Variants in ZHX2 observed in about 807,000 individuals in gnomAD.
ZHX2 encodes zinc fingers and homeoboxes 2.
A neutral mutation model predicts 21.9 loss-of-function variants in ZHX2; 6 were observed. The ratio of observed to expected loss-of-function variants is 0.27; its 90% CI spans 0.15 to 0.54. The LOEUF is 0.54. Among genes scored for constraint, ZHX2 ranks in the 20% least tolerant of loss-of-function variants. ZHX2 has a pLI of 0.95. For missense variants in ZHX2, 908 were observed against 1,090.7 expected, an observed-to-expected ratio of 0.83 and a Z score of 2.36; for synonymous variants, 434 against 437.1, an observed-to-expected ratio of 0.99 and a Z score of 0.09.
At chr8:122,903,297 G>A (rs1480758096) in intron 2 of ZHX2, among the ~76,000 whole-genome samples, 2 of 152,076 alleles carry the variant, frequency 1.3e-5, no homozygotes, top group Non-Finnish European at 2.9e-5. Flanking sequence ...GACAGGCAGG[G>A]GCCTTTAGTT....
At chr8:122,919,617 T>C (rs893825075) in intron 2 of ZHX2, among the ~76,000 whole-genome samples, 1 of 152,220 alleles carries the variant, frequency 6.6e-6, no homozygotes, top group Non-Finnish European at 1.5e-5. Context: ...CTAGTCAAGC[T>C]GTATCTGCAA....
At chr8:122,904,277 A>G (rs1472106724) in intron 2 of ZHX2, among the ~76,000 whole-genome samples, 1 of 152,190 alleles carries the variant, frequency 6.6e-6, no homozygotes, top group Non-Finnish European at 1.5e-5. Context: ...CTGTAGCCAA[A>G]GGTCACAGAA....
chr8:122,892,652 T>C (rs1563771169), intron 2 of ZHX2, among the ~76,000 whole-genome samples: 2 of 152,194 alleles, frequency 1.3e-5, no homozygotes, highest in African/African-American at 4.8e-5. Flanking sequence ...CTTCTAGATA[T>C]AGGACTCCAT....
At chr8:122,958,239 A>C (rs1813357476) in intron 3 of ZHX2, among the ~76,000 whole-genome samples, 1 of 152,210 alleles carries the variant, frequency 6.6e-6, no homozygotes, top group Non-Finnish European at 1.5e-5. Flanking sequence ...CTCGGCCCTG[A>C]GGTTAGACAC....
At chr8:122,957,824 T>C (rs1163413446) in intron 3 of ZHX2, among the ~76,000 whole-genome samples, 1 of 152,072 alleles carries the variant, frequency 6.6e-6, no homozygotes, top group Non-Finnish European at 1.5e-5. Context: ...AGGGGTGGCA[T>C]TGAAAGTTCT....
chr8:122,910,182 T>C lies in ZHX2; in HGVS notation c.-219-41110T>C, dbSNP rs80210271. ...ACAAAAGACTAGAGGGACCTAGTAA[T>C]AATCATAATGACTTTCTTAGATTCA... On this transcript the variant is annotated intron_variant, in intron 2 of 3. Coordinates refer to ENST00000314393, the MANE Select transcript of ZHX2 (RefSeq NM_014943.5). Among the ~76,000 whole-genome samples the C allele has an allele frequency of 3.4e-3, 521 of 151,522 alleles. 7 individuals are homozygous for C. The highest frequency in any genetic ancestry group is 0.012 in the African/African-American group (505 of 41,258).
chr8:122,891,270 TTG>T (rs59893492), intron 2 of ZHX2, among the ~76,000 whole-genome samples: 6,901 of 76,808 alleles, frequency 0.09, 156 homozygotes, highest in East Asian at 0.2. Flanking sequence ...TCTTGGTAGA[TTG>T]TGTGTGTGTG....
At chr8:122,800,440 T>C (rs984104026) in intron 1 of ZHX2, among the ~76,000 whole-genome samples, 2 of 152,210 alleles carry the variant, frequency 1.3e-5, no homozygotes, top group Non-Finnish European at 2.9e-5. Context: ...CTGCAAAGAC[T>C]GGAAGGGAGT....
chr8:122,872,891 C>T (rs966229880), intron 2 of ZHX2, among the ~76,000 whole-genome samples: 2 of 152,168 alleles, frequency 1.3e-5, no homozygotes, highest in African/African-American at 4.8e-5. Flanking sequence ...CAGGTTTCCC[C>T]CACCGACAGC....
intron 2 of ZHX2, among the ~76,000 whole-genome samples, chr8:122,906,666 C>CTTT (rs771349214): frequency 6.6e-4 from 81 of 123,412 alleles, no homozygotes; most frequent in East Asian, 1.4e-3. Context: ...ACATAATTTC[C>CTTT]TTTTTTTTTT....
chr8:122,873,644 C>T (rs185421048), intron 2 of ZHX2, among the ~76,000 whole-genome samples: 78 of 152,304 alleles, frequency 5.1e-4, no homozygotes, highest in South Asian at 8.3e-4. Context: ...GATCTAATGG[C>T]TGCTATAACA....
chr8:122,971,611 C>CAAAAAAAAAAAAAAA (rs56331425), intron 3 of ZHX2, among the ~76,000 whole-genome samples: 13 of 81,794 alleles, frequency 1.6e-4, no homozygotes, highest in African/African-American at 4.7e-4. Context: ...GGCCCCTGTA[C>CAAAAAAAAAAAAAAA]AAAAAAAAAA....
Position 122,951,666 on chromosome 8 carries a change from A to G in ZHX2, c.156A>G (p.Glu52=), listed in dbSNP as rs1199170168. Residue 52 remains glutamate, a synonymous_variant, in exon 3 of 4, where the codon GAA becomes GAG. Transcript: ENST00000314393. ...VAKDSWAAEL[E]NSSKENEVIE... is the part of the protein sequence containing the mutation. ...AGGACAGTTGGGCAGCAGAACTTGA[A>G]AACTCTTCCAAAGAAAACGAAGTGA... The G allele has an allele frequency of 2.5e-6, 4 of 1,614,056 alleles. No individual in the cohort carries two copies. In the South Asian group the frequency reaches 4.4e-5, roughly 18 times the overall value.
chr8:122,852,317 G>A (rs186070800), intron 1 of ZHX2, among the ~76,000 whole-genome samples: 73 of 152,010 alleles, frequency 4.8e-4, no homozygotes, highest in African/African-American at 1.4e-3. Context: ...AATACCTTGC[G>A]GCTTTAAATA....
chr8:122,849,103 G>T (rs1190219124), intron 1 of ZHX2, among the ~76,000 whole-genome samples: 1 of 152,232 alleles, frequency 6.6e-6, no homozygotes, highest in African/African-American at 2.4e-5. Flanking sequence ...GACCTTTCTG[G>T]GTTTTTCAAG....
intron 1 of ZHX2, among the ~76,000 whole-genome samples, chr8:122,849,265 TG>T (rs919510875): frequency 6.6e-6 from 1 of 152,150 alleles, no homozygotes; most frequent in Non-Finnish European, 1.5e-5. Flanking sequence ...TGCCTACCTG[TG>T]GGTGAGTGGC....
intron 1 of ZHX2, among the ~76,000 whole-genome samples, chr8:122,807,018 A>G (rs879577367): frequency 6.6e-6 from 1 of 152,124 alleles, no homozygotes; most frequent in Non-Finnish European, 1.5e-5. Context: ...GTGGAGGGCG[A>G]GGATGTGCAC....
In ZHX2 at chr8:122,955,074, G is replaced by T. The variant is rs543013630; in HGVS notation, c.*4+1046G>T. ...GCCTGTAGAGTCACATAAGCCGGGG[G>T]GGGGGGGGTGGCAGGGCGGTTTCCA... On this transcript the variant is annotated intron_variant, in intron 3 of 3. Transcript: ENST00000314393. Among the ~76,000 whole-genome samples the T allele has an allele frequency of 6.6e-4, 89 of 135,020 alleles. 1 individual carries two copies. Among genetic ancestry groups the T allele is most frequent in the Admixed American group, 1.0e-3 (14 of 13,974 alleles). 88.6% of individuals were successfully genotyped at this position (135,020 alleles called of 152,430 possible). A position where few individuals can be genotyped will look rare whatever the true frequency, so the allele number is the denominator to read the frequency against.
Position 122,825,884 on chromosome 8 carries a change from C to T in ZHX2, c.-282-37593C>T, listed in dbSNP as rs1012868938. ...ATGTATTCCATCAAGCCATAAATTC[C>T]CCTCTCCCCCTCTCTTTATTTCCTC... On this transcript the variant is annotated intron_variant, in intron 1 of 3. Transcript: ENST00000314393. 2.6e-5 allele frequency among the ~76,000 whole-genome samples: 4 copies of T among 152,180 alleles called. 1 individual carries two copies. The highest frequency in any genetic ancestry group is 9.7e-5 in the African/African-American group (4 of 41,444).
Sources: allele counts gnomAD v4.1 joint callset (sites outside exome capture counted in the v4.1 genomes callset), GRCh38; gene constraint gnomAD v4.1.1; transcripts MANE v1.5; gene names NCBI Gene and HGNC (gene_info 2026-07-23, HGNC 2026-07-21).